Variants in HERC4 observed in about 807,000 individuals in gnomAD.
HERC4 encodes probable E3 ubiquitin-protein ligase HERC4.
Under a neutral mutation model 124.3 loss-of-function variants are expected in HERC4, and 28 were observed. The observed-to-expected ratio is 0.23, with a 90% CI of 0.17 to 0.31. The LOEUF is 0.31. Ranked by LOEUF, HERC4 falls within the 10% of genes least tolerant of loss-of-function variation. The probability of loss-of-function intolerance (pLI) is 1.00; values close to 1 mark genes in which losing one functional copy is unlikely to be tolerated. For synonymous variants in HERC4, 407 were observed against 421.5 expected (o/e 0.97, Z 0.42); for missense variants, 713 against 1,229.3 (o/e 0.58, Z 6.28).
intron 3 of HERC4, chr10:68,069,616 C>T: frequency 1.0e-6 from 1 of 985,320 alleles, no homozygotes; most frequent in Non-Finnish European, 1.2e-6. Context: ...AATAATTTAT[C>T]CTTAATAAGG....
chr10:67,946,782 C>T (rs1306558011), intron 19 of HERC4, among the ~76,000 whole-genome samples: 2 of 152,144 alleles, frequency 1.3e-5, no homozygotes, highest in Non-Finnish European at 2.9e-5. Flanking sequence ...TGGCACACAC[C>T]TGTAGTCCCA....
chr10:68,068,871 G>C (rs777909124), intron 3 of HERC4: 1 of 174,578 alleles, frequency 5.7e-6, no homozygotes, highest in African/African-American at 2.4e-5. Flanking sequence ...TTTAACCTCA[G>C]TGTCCTCATC....
At chr10:67,988,159 A>AG (rs758108171) in intron 15 of HERC4, 1 of 152,212 alleles carries the variant, frequency 6.6e-6, no homozygotes, top group Non-Finnish European at 1.5e-5. Context: ...GAAGAAGGGC[A>AG]GGGAAGAACA....
intron 4 of HERC4, chr10:68,039,315 CAAAA>C (rs5785844): frequency 9.0e-3 from 9,779 of 1,082,090 alleles, no homozygotes; most frequent in South Asian, 0.018. Context: ...GACCCTGTCT[CAAAA>C]AAAAAAAAAA....
intron 16 of HERC4, chr10:67,960,941 C>T: frequency 3.0e-6 from 1 of 332,286 alleles, no homozygotes; most frequent in Non-Finnish European, 5.7e-6. Context: ...TTTCAAGTCA[C>T]TTGTCTGAAC....
chr10:68,022,500 A>AAAAT (rs34560535), intron 8 of HERC4, among the ~76,000 whole-genome samples: 30,254 of 143,788 alleles, frequency 0.21, 3,717 homozygotes, highest in East Asian at 0.47. Context: ...ACTCCATCTC[A>AAAAT]AAATAAATAA....
At chr10:68,061,938 CAGAT>C (rs1161463666) in intron 3 of HERC4, among the ~76,000 whole-genome samples, 2 of 88,280 alleles carry the variant, frequency 2.3e-5, no homozygotes, top group Non-Finnish European at 4.6e-5. Flanking sequence ...GTTTACAAAA[CAGAT>C]AGAGGTGGCA....
chr10:68,015,432 C>T (rs2038204321), intron 8 of HERC4, among the ~76,000 whole-genome samples: 2 of 152,316 alleles, frequency 1.3e-5, no homozygotes, highest in Middle Eastern at 3.4e-3. Flanking sequence ...GTTTTGGAGT[C>T]GTTCTGTTTA....
intron 16 of HERC4, among the ~76,000 whole-genome samples, chr10:67,962,633 A>C (rs547666488): frequency 6.6e-6 from 1 of 152,302 alleles, no homozygotes; most frequent in Admixed American, 6.5e-5. Flanking sequence ...AGATAAAGAT[A>C]ATTAACTAAA....
At chr10:68,023,931 ATGGCAC>A (rs2038775623) in intron 8 of HERC4, among the ~76,000 whole-genome samples, 1 of 152,180 alleles carries the variant, frequency 6.6e-6, no homozygotes, top group African/African-American at 2.4e-5. Context: ...TAGAAAATAA[ATGGCAC>A]TATTAAGTAA....
intron 9 of HERC4, among the ~76,000 whole-genome samples, chr10:67,999,242 T>C (rs868496839): frequency 1.3e-5 from 2 of 152,310 alleles, no homozygotes; most frequent in Middle Eastern, 3.4e-3. Context: ...TCCTTGAAAA[T>C]AGGCCTAATC....
chr10:67,961,014 A>G, intron 16 of HERC4: 1 of 343,250 alleles, frequency 2.9e-6, no homozygotes, highest in South Asian at 2.6e-5. Context: ...TGCTGAGAGT[A>G]AGAGGTCTTC....
rs2039823175 is a variant in HERC4, at chr10:68,042,524, G to A, written c.386+1880C>T. On this transcript the variant is annotated intron_variant, in intron 4 of 24. Coordinates refer to ENST00000373700, the MANE Select transcript of HERC4 (RefSeq NM_015601.4). ...TATAGTCGCACCTACTAGGGAGGCT[G>A]TGGTGGGAGGATGGCTTGAGCCCAG... Among the ~76,000 whole-genome samples, 3 of 152,202 alleles carry A rather than the reference G, an allele frequency of 2.0e-5. No individual in the cohort carries two copies. The South Asian group carries it at 6.2e-4, about 31-fold the overall frequency.
intron 15 of HERC4, among the ~76,000 whole-genome samples, chr10:67,973,161 C>T (rs1052115050): frequency 7.3e-5 from 11 of 150,834 alleles, no homozygotes; most frequent in African/African-American, 2.4e-4. Flanking sequence ...TTTGAAGATA[C>T]TGCAAATAAA....
chr10:68,040,224 C>A, intron 4 of HERC4: 1 of 983,432 alleles, frequency 1.0e-6, no homozygotes, highest in East Asian at 1.1e-4. Flanking sequence ...AAAATACTAA[C>A]CTAAGGCTTG....
At position 68,073,184 on chromosome 10, in the gene HERC4, TG is replaced by T; in HGVS notation, c.-77del. On this transcript the variant is annotated splice_region_variant and 5_prime_UTR_variant, in exon 3 of 25. It removes the in-frame stop codon of an upstream open reading frame in the 5' UTR. Coordinates refer to ENST00000373700, the MANE Select transcript of HERC4 (RefSeq NM_015601.4). ...ACCCCGGAAAGTTGGAGGTACCCTA[TG>T]TCTGAGGAAATAGAAAGAAGTTAAT... is the stretch of plus-strand genomic sequence containing the variant. 1 of 1,100,396 alleles carries T rather than the reference TG, an allele frequency of 9.1e-7. No homozygotes were observed. The highest frequency in any genetic ancestry group is 1.4e-5 in the South Asian group (1 of 69,078). 68.2% of individuals were successfully genotyped at this position (1,100,396 alleles called of 1,614,324 possible).
intron 23 of HERC4, among the ~76,000 whole-genome samples, chr10:67,925,441 G>A (rs1589102045): frequency 6.6e-6 from 1 of 152,118 alleles, no homozygotes; most frequent in Non-Finnish European, 1.5e-5. Flanking sequence ...TAAATAAAGA[G>A]AAACTAGATA....
chr10:67,957,649 G>A (rs1272523002), intron 16 of HERC4, among the ~76,000 whole-genome samples: 1 of 152,134 alleles, frequency 6.6e-6, no homozygotes, highest in African/African-American at 2.4e-5. Context: ...ACACATTCTT[G>A]TAGTTGGAGG....
At chr10:68,056,884 T>G (rs558610951) in intron 3 of HERC4, among the ~76,000 whole-genome samples, 24 of 152,250 alleles carry the variant, frequency 1.6e-4, no homozygotes, top group African/African-American at 5.8e-4. Context: ...AACCAAAATC[T>G]GGCAACTGGG....
Sources: allele counts gnomAD v4.1 joint callset (sites outside exome capture counted in the v4.1 genomes callset), GRCh38; gene constraint gnomAD v4.1.1; transcripts MANE v1.5; gene names NCBI Gene and HGNC (gene_info 2026-07-23, HGNC 2026-07-21).